The following METTL9 variants were observed in gnomAD, a reference collection of about 807,000 sequenced individuals.
METTL9 encodes the protein protein-L-histidine N-pros-methyltransferase.
A neutral mutation model predicts 36.0 loss-of-function variants in METTL9; 10 were observed. That is an observed-to-expected ratio of 0.28 (90% CI 0.17 to 0.47). METTL9 has a LOEUF of 0.47. Among genes scored for constraint, METTL9 ranks in the 20% least tolerant of loss-of-function variants. METTL9 has a pLI of 0.99. For missense variants in METTL9, 246 were observed against 383.5 expected (o/e 0.64, Z 3.00); for synonymous variants, 175 against 149.7 (o/e 1.17, Z -1.23).
At chr16:21,648,773 A>G (rs932942715) in intron 4 of METTL9, among the ~76,000 whole-genome samples, 6 of 152,212 alleles carry the variant, frequency 3.9e-5, no homozygotes, top group Non-Finnish European at 8.8e-5. Context: ...CCGCCTGGTC[A>G]TATATTCCCA....
intron 1 of METTL9, among the ~76,000 whole-genome samples, chr16:21,608,563 G>T (rs1365515202): frequency 1.3e-5 from 2 of 152,140 alleles, no homozygotes; most frequent in Non-Finnish European, 2.9e-5. Flanking sequence ...CATTTTGTGG[G>T]TAAGGCCATG....
chr16:21,601,780 TCAG>T (rs34889542), intron 1 of METTL9, among the ~76,000 whole-genome samples: 107,717 of 151,258 alleles, frequency 0.71, 39,102 homozygotes, highest in African/African-American at 0.85. Context: ...CACTAACAAT[TCAG>T]CAGATAATTT....
chr16:21,617,291 G>C (rs1169317257), intron 2 of METTL9, among the ~76,000 whole-genome samples: 2 of 151,810 alleles, frequency 1.3e-5, no homozygotes, highest in East Asian at 1.9e-4. Flanking sequence ...GGTGGCGGGC[G>C]CCTGTAGTCC....
chr16:21,608,024 C>T (rs1965334451), intron 1 of METTL9, among the ~76,000 whole-genome samples: 1 of 152,120 alleles, frequency 6.6e-6, no homozygotes, highest in Non-Finnish European at 1.5e-5. Flanking sequence ...TGGTAGGTGC[C>T]TGTAATCCCA....
chr16:21,647,453 C>A (rs746178604), intron 4 of METTL9: 1 of 1,613,960 alleles, frequency 6.2e-7, no homozygotes, highest in South Asian at 1.1e-5. Flanking sequence ...TTCTAGGTAC[C>A]ACGGTTGTGT....
chr16:21,613,699 G>A (rs72782875), intron 2 of METTL9, among the ~76,000 whole-genome samples: 2,626 of 152,242 alleles, frequency 0.017, 40 homozygotes, highest in Middle Eastern at 0.051. Context: ...GGCTTATTTT[G>A]AGTGAAGAGT....
intron 4 of METTL9, among the ~76,000 whole-genome samples, chr16:21,642,810 A>G (rs1275555946): frequency 6.6e-6 from 1 of 152,224 alleles, no homozygotes; most frequent in Non-Finnish European, 1.5e-5. Flanking sequence ...CATTGTCTGT[A>G]TTGAAAACAT....
intron 4 of METTL9, among the ~76,000 whole-genome samples, chr16:21,643,986 C>T (rs914017379): frequency 5.9e-5 from 9 of 152,252 alleles, no homozygotes; most frequent in African/African-American, 2.2e-4. Context: ...CCTCCACCTG[C>T]CCACACCTCA....
chr16:21,641,574 TAA>T, intron 4 of METTL9: 1 of 1,588,368 alleles, frequency 6.3e-7, no homozygotes, highest in Non-Finnish European at 8.6e-7. Context: ...TCTGTTTTCA[TAA>T]GTGTTGTTAT....
At chr16:21,619,165 C>T (rs943775741) in intron 3 of METTL9, among the ~76,000 whole-genome samples, 2 of 152,154 alleles carry the variant, frequency 1.3e-5, no homozygotes, top group African/African-American at 4.8e-5. Context: ...CCTACTTTTA[C>T]TTCTTTTGGG....
chr16:21,654,993 C>A, intron 4 of METTL9: 1 of 540,386 alleles, frequency 1.9e-6, no homozygotes, highest in Non-Finnish European at 3.3e-6. Flanking sequence ...GCTTACATTT[C>A]CATACTGACA....
intron 4 of METTL9, among the ~76,000 whole-genome samples, chr16:21,637,419 C>T (rs948428577): frequency 8.5e-5 from 13 of 152,186 alleles, no homozygotes; most frequent in African/African-American, 3.1e-4. Flanking sequence ...AGACACAGAG[C>T]ACTGATTGGT....
intron 2 of METTL9, among the ~76,000 whole-genome samples, chr16:21,616,150 C>G (rs1399811774): frequency 4.6e-5 from 7 of 152,184 alleles, no homozygotes; most frequent in Non-Finnish European, 1.0e-4. Flanking sequence ...TAGCAGCAAA[C>G]ATTCTGTACC....
chr16:21,623,046 GTTCTGAAAGTAGTCTTC>G (rs1965742835), intron 3 of METTL9, among the ~76,000 whole-genome samples: 5 of 152,006 alleles, frequency 3.3e-5, no homozygotes, highest in African/African-American at 1.2e-4. Context: ...TGACATTTTT[GTTCTGAAAGTAGTCTTC>G]TTAGTAATGT....
chr16:21,620,454 A>G (rs927914096), intron 3 of METTL9, among the ~76,000 whole-genome samples: 3 of 152,170 alleles, frequency 2.0e-5, no homozygotes, highest in South Asian at 2.1e-4. Context: ...AAAAAAATCC[A>G]TGCTTTGAAG....
intron 4 of METTL9, among the ~76,000 whole-genome samples, chr16:21,632,985 C>T (rs1317184554): frequency 6.6e-6 from 1 of 152,118 alleles, no homozygotes; most frequent in African/African-American, 2.4e-5. Context: ...GCTATTTCTG[C>T]CTCTGGTTCC....
intron 4 of METTL9, among the ~76,000 whole-genome samples, chr16:21,633,287 TTTGATTAGCTAGAACG>T (rs1480292830): frequency 6.6e-6 from 1 of 152,212 alleles, no homozygotes; most frequent in African/African-American, 2.4e-5. Context: ...ACCTTGTACC[TTTGATTAGCTAGAACG>T]TTCAAGAGAT....
intron 2 of METTL9, among the ~76,000 whole-genome samples, chr16:21,613,868 T>G (rs1347081300): frequency 6.6e-6 from 1 of 151,824 alleles, no homozygotes; most frequent in Non-Finnish European, 1.5e-5. Context: ...TTGGCCATGT[T>G]TTCAAGCATT....
At position 21,657,027 on chromosome 16, in the gene METTL9, T is replaced by G. The variant is rs1249451827; in HGVS notation, c.*1595T>G. 1.3e-5 allele frequency: 2 copies of G among 152,082 alleles called. No homozygotes were observed. Among genetic ancestry groups the G allele is most frequent in the Non-Finnish European group, 2.9e-5 (2 of 68,032 alleles). The allele number at this position is 152,082 out of a possible 1,614,324, so 9.4% of individuals were successfully genotyped here. A position where few individuals can be genotyped will look rare whatever the true frequency, so the allele number is the denominator to read the frequency against. ...TCGTTCTTGTACAGTTGAGTTTTGC[T>G]TCTTTATAAACTGTCTGTTAAAATC... On this transcript the variant is annotated 3_prime_UTR_variant, in exon 5 of 5. Coordinates refer to ENST00000358154, the MANE Select transcript of METTL9 (RefSeq NM_016025.5).
Sources: gnomAD v4.1 joint callset for allele counts (sites outside exome capture counted in the v4.1 genomes callset) on GRCh38, gnomAD v4.1.1 for gene constraint, MANE v1.5 for transcripts, NCBI Gene and HGNC (gene_info 2026-07-23, HGNC 2026-07-21) for gene names.